The following MZT1 variants were observed in gnomAD, a reference collection of about 807,000 sequenced individuals.
MZT1 encodes mitotic spindle organizing protein 1.
A neutral mutation model predicts 8.5 loss-of-function variants in MZT1; 8 were observed. That is an observed-to-expected ratio of 0.94 (90% CI 0.55 to 1.70). The LOEUF is 1.70. Among genes scored for constraint, MZT1 ranks in the 40% most tolerant of loss-of-function variants. The pLI, the probability that MZT1 is intolerant of heterozygous loss-of-function variation, is 0.00. For synonymous variants in MZT1, 38 were observed against 42.0 expected, an observed-to-expected ratio of 0.90 and a Z score of 0.37; for missense variants, 93 against 108.6, an observed-to-expected ratio of 0.86 and a Z score of 0.64.
In MZT1 at chr13:72,715,377, G is replaced by A. The variant is rs112626684; in HGVS notation, c.225+3575C>T. ...ATTTTACAGGCTCATAGGTGGAAGG[G>A]ACTTGCCTTGTCTCAGAACTTTGGA... On this transcript the variant is annotated intron_variant, in intron 2 of 2. Coordinates refer to ENST00000377818, the MANE Select transcript of MZT1 (RefSeq NM_001071775.3). Among the ~76,000 whole-genome samples the A allele has an allele frequency of 1.9e-3, 292 of 152,266 alleles. 5 individuals carry two copies. The Middle Eastern group carries it at 0.02, about 11-fold the overall frequency.
chr13:72,725,051 CAAAA>C (rs767509747), intron 1 of MZT1, among the ~76,000 whole-genome samples: 2 of 93,914 alleles, frequency 2.1e-5, no homozygotes. Context: ...GACTCGGTCT[CAAAA>C]AAAAAAAAAA....
intron 2 of MZT1, among the ~76,000 whole-genome samples, chr13:72,718,498 C>T (rs1376972503): frequency 2.7e-5 from 4 of 150,204 alleles, no homozygotes; most frequent in African/African-American, 4.9e-5. Context: ...TTTTTTTAGA[C>T]GGAGTCTCAC....
chr13:72,716,683 T>C (rs1231920353), intron 2 of MZT1, among the ~76,000 whole-genome samples: 1 of 152,238 alleles, frequency 6.6e-6, no homozygotes, highest in Non-Finnish European at 1.5e-5. Flanking sequence ...GTTTCAGTAT[T>C]CAAAGTGAGT....
rs1380372559 is a variant in MZT1, at chr13:72,709,069, TTTTCTAAAATTTATTTC to T, written c.*1236_*1252del. 1.3e-5 allele frequency: 2 copies of T among 152,080 alleles called. No individual in the cohort carries two copies. The highest frequency in any genetic ancestry group is 3.8e-4 in the East Asian group (2 of 5,198). The allele number at this position is 152,080 out of a possible 1,614,324, so 9.4% of individuals were successfully genotyped here. Reference sequence around the variant, plus strand: ...GGAACAGAATCAATACTATTCTACATTTTCTAAAATTTATTTCTAATCTTCACTTTGATGAGTTAAAA... The same window carrying T: ...GGAACAGAATCAATACTATTCTACATTAATCTTCACTTTGATGAGTTAAAA... On this transcript the variant is annotated 3_prime_UTR_variant, in exon 3 of 3. Transcript: ENST00000377818.
At chr13:72,714,881 T>C (rs1471535781) in intron 2 of MZT1, among the ~76,000 whole-genome samples, 2 of 152,190 alleles carry the variant, frequency 1.3e-5, no homozygotes, top group African/African-American at 2.4e-5. Context: ...GGAGCCCTCA[T>C]GGAGAATCTC....
At chr13:72,714,887 A>C (rs780373346) in intron 2 of MZT1, among the ~76,000 whole-genome samples, 4 of 152,214 alleles carry the variant, frequency 2.6e-5, no homozygotes, top group Non-Finnish European at 5.9e-5. Flanking sequence ...CTCATGGAGA[A>C]TCTCTACTAG....
intron 1 of MZT1, among the ~76,000 whole-genome samples, chr13:72,727,145 T>TG (rs2032676616): frequency 6.6e-6 from 1 of 152,064 alleles, no homozygotes; most frequent in Non-Finnish European, 1.5e-5. Flanking sequence ...GGGAATCGGG[T>TG]GGGACGCGGC....
intron 2 of MZT1, among the ~76,000 whole-genome samples, chr13:72,711,282 TA>T (rs1353582419): frequency 6.6e-6 from 1 of 152,194 alleles, no homozygotes; most frequent in Non-Finnish European, 1.5e-5. Context: ...AAAGAATCAC[TA>T]ATCAAATGCA....
intron 1 of MZT1, among the ~76,000 whole-genome samples, chr13:72,726,409 C>T (rs1375000230): frequency 6.6e-6 from 1 of 151,986 alleles, no homozygotes; most frequent in East Asian, 1.9e-4. Flanking sequence ...CCACCCTGGG[C>T]AACTACAGCA....
Position 72,710,224 on chromosome 13 carries a change from G to T in MZT1, c.*98C>A. The T allele has an allele frequency of 7.9e-7, 1 of 1,273,502 alleles. No homozygotes were observed. The highest frequency in any genetic ancestry group is 1.1e-6 in the Non-Finnish European group (1 of 883,822). The allele number at this position is 1,273,502 out of a possible 1,614,324, so 78.9% of individuals were successfully genotyped here. A position where few individuals can be genotyped will look rare whatever the true frequency, so the allele number is the denominator to read the frequency against. ...TTAAAAAGTAAAATTTTTCTACACT[G>T]CTGCATGCAGTAATTTCATTGTACA... On this transcript the variant is annotated 3_prime_UTR_variant, in exon 3 of 3. Transcript: ENST00000377818.
At chr13:72,727,300 G>C (rs1381919286) in intron 1 of MZT1, among the ~76,000 whole-genome samples, 1 of 152,232 alleles carries the variant, frequency 6.6e-6, no homozygotes, top group East Asian at 1.9e-4. Flanking sequence ...CGGCTGACTA[G>C]GGGCCGCAAC....
At chr13:72,721,306 T>C (rs983942953) in intron 1 of MZT1, among the ~76,000 whole-genome samples, 3 of 152,212 alleles carry the variant, frequency 2.0e-5, no homozygotes, top group Admixed American at 2.0e-4. Context: ...GAGGTAAGAA[T>C]TCTGAGTACT....
At chr13:72,727,115 AC>A (rs368980257) in intron 1 of MZT1, among the ~76,000 whole-genome samples, 9 of 152,092 alleles carry the variant, frequency 5.9e-5, no homozygotes, top group African/African-American at 1.7e-4. Context: ...AACCTTGGGG[AC>A]CCCCGAAGCG....
intron 1 of MZT1, among the ~76,000 whole-genome samples, chr13:72,724,325 T>C (rs966073977): frequency 6.6e-6 from 1 of 152,034 alleles, no homozygotes; most frequent in Non-Finnish European, 1.5e-5. Context: ...AGGAGATATT[T>C]AGCCAACCTG....
chr13:72,714,512 G>A (rs1445256364), intron 2 of MZT1, among the ~76,000 whole-genome samples: 1 of 152,198 alleles, frequency 6.6e-6, no homozygotes, highest in Admixed American at 6.5e-5. Context: ...CCAAGATAAT[G>A]GGTAAAAGGC....
intron 1 of MZT1, among the ~76,000 whole-genome samples, chr13:72,722,596 G>T (rs1435127422): frequency 6.6e-6 from 1 of 152,144 alleles, no homozygotes. Flanking sequence ...TAGGCCTCTA[G>T]ATCAGGCCTT....
chr13:72,718,860 G>T, intron 2 of MZT1, 92 bp downstream of exon 2: 2 of 1,265,646 alleles, frequency 1.6e-6, no homozygotes, highest in Non-Finnish European at 2.1e-6. Context: ...GTTTAACCTT[G>T]TTTAACCAGG....
At chr13:72,727,476 T>G in intron 1 of MZT1, 48 bp downstream of exon 1, 1 of 1,590,344 alleles carries the variant, frequency 6.3e-7, no homozygotes. Context: ...CTGGGGGCCT[T>G]GGCTCTGGGA....
chr13:72,714,630 A>G (rs1044169040), intron 2 of MZT1, among the ~76,000 whole-genome samples: 3 of 152,228 alleles, frequency 2.0e-5, no homozygotes, highest in Non-Finnish European at 2.9e-5. Flanking sequence ...AGCCCTCCAC[A>G]GCCTTGGGAC....
Sources: gnomAD v4.1 joint callset for allele counts (sites outside exome capture counted in the v4.1 genomes callset) on GRCh38, gnomAD v4.1.1 for gene constraint, MANE v1.5 for transcripts, NCBI Gene and HGNC (gene_info 2026-07-23, HGNC 2026-07-21) for gene names.